Variants in ANXA4 observed in about 807,000 individuals in gnomAD.
The protein encoded by ANXA4 is annexin A4.
ANXA4 carries 39 observed loss-of-function variants against 49.8 expected under a neutral mutation model. The ratio of observed to expected loss-of-function variants is 0.78; its 90% CI spans 0.61 to 1.02. The LOEUF is 1.02. Among genes scored for constraint, ANXA4 ranks in the 50% least tolerant of loss-of-function variants. The pLI is 0.00. For synonymous variants in ANXA4, 134 were observed against 152.5 expected (o/e 0.88, Z 0.89); for missense variants, 360 against 410.1 (o/e 0.88, Z 1.05).
intron 1 of ANXA4, among the ~76,000 whole-genome samples, chr2:69,651,995 T>C (rs1213920969): frequency 6.6e-6 from 1 of 151,418 alleles, no homozygotes; most frequent in African/African-American, 2.4e-5. Context: ...ATTGAATTTT[T>C]ATTGCAAACA....
Position 69,812,709 on chromosome 2 carries a change from GGTTGGTAGAACT to G in ANXA4, c.534+2_534+13del, listed in dbSNP as rs1330826571. 4 of 1,613,962 alleles carry G rather than the reference GGTTGGTAGAACT, an allele frequency of 2.5e-6. No individual in the cohort carries two copies. The highest frequency in any genetic ancestry group is 2.5e-6 in the Non-Finnish European group (3 of 1,179,946). ...ATGCTCTCGTGAGACAGGATGCCCAGGTTGGTAGAACTGCAGCTTCTTTCTTCCAGCTTTCTT... is the reference window on the plus strand; with the variant it reads ...ATGCTCTCGTGAGACAGGATGCCCAGGCAGCTTCTTTCTTCCAGCTTTCTT... On this transcript the variant is annotated splice_donor_variant and splice_donor_5th_base_variant and intron_variant, in intron 8 of 12. Transcript: ENST00000394295. LOFTEE classifies it high-confidence loss of function.
intron 3 of ANXA4, 28 bp downstream of exon 3, chr2:69,788,169 C>G: frequency 6.3e-7 from 1 of 1,592,434 alleles, no homozygotes; most frequent in Non-Finnish European, 8.6e-7. Flanking sequence ...AGTGAATCCT[C>G]CTGCGTGCAT....
upstream of ANXA4, among the ~76,000 whole-genome samples, chr2:69,739,768 A>G (rs1041893671): frequency 2.0e-5 from 3 of 152,080 alleles, no homozygotes; most frequent in Non-Finnish European, 4.4e-5. Flanking sequence ...TTCAACAATT[A>G]TATTAATTTT....
chr2:69,765,649 A>G (rs1467238407), intron 1 of ANXA4, among the ~76,000 whole-genome samples: 5 of 152,170 alleles, frequency 3.3e-5, no homozygotes, highest in African/African-American at 4.8e-5. Context: ...CTAGCGTTTC[A>G]TGTAAATACT....
At chr2:69,774,739 T>C (rs1415349085) in intron 1 of ANXA4, among the ~76,000 whole-genome samples, 1 of 152,200 alleles carries the variant, frequency 6.6e-6, no homozygotes, top group African/African-American at 2.4e-5. Flanking sequence ...CCTCTGTGGT[T>C]TGCATATGAA....
intron 2 of ANXA4, chr2:69,713,540 C>A (rs1259858359): frequency 1.3e-5 from 2 of 152,104 alleles, no homozygotes; most frequent in Non-Finnish European, 2.9e-5. Context: ...TCAATAAAGC[C>A]AATTTAAAAA....
At chr2:69,678,389 CTTTTTTTTTTT>C (rs150952411) in intron 2 of ANXA4, among the ~76,000 whole-genome samples, 1 of 78,366 alleles carries the variant, frequency 1.3e-5, no homozygotes, top group Non-Finnish European at 2.5e-5. Context: ...CTTTTCTTTT[CTTTTTTTTTTT>C]TTTTTTTTTT....
At chr2:69,729,718 T>A (rs755939852) in intron 3 of ANXA4, among the ~76,000 whole-genome samples, 3 of 152,236 alleles carry the variant, frequency 2.0e-5, no homozygotes, top group Non-Finnish European at 4.4e-5. Flanking sequence ...TGTTCATGGA[T>A]TTTTATATTT....
At chr2:69,759,108 C>A (rs1047687487) in intron 1 of ANXA4, among the ~76,000 whole-genome samples, 1 of 141,334 alleles carries the variant, frequency 7.1e-6, no homozygotes, top group Non-Finnish European at 1.5e-5. Context: ...TGCACTCCAG[C>A]GACAGAGAGA....
At chr2:69,703,922 G>A (rs761749434) in intron 2 of ANXA4, among the ~76,000 whole-genome samples, 3 of 152,024 alleles carry the variant, frequency 2.0e-5, no homozygotes, top group Non-Finnish European at 4.4e-5. Flanking sequence ...CTACAGGTGC[G>A]TGCCACCCCC....
chr2:69,695,593 C>T (rs1393689534), intron 2 of ANXA4, among the ~76,000 whole-genome samples: 2 of 152,196 alleles, frequency 1.3e-5, no homozygotes, highest in African/African-American at 2.4e-5. Context: ...GGAGAAACCA[C>T]GCTGGGGAGA....
At position 69,804,611 on chromosome 2, in the gene ANXA4, A is replaced by G. The variant is rs143712366; in HGVS notation, c.176A>G (p.Lys59Arg). 1.9e-6 allele frequency: 3 copies of G among 1,613,350 alleles called. No homozygotes were observed. The African/African-American group carries it at 4.0e-5, about 22-fold the overall frequency. The change falls in exon 4 of 13, where the codon AAG becomes AGG. Residue 59 changes from lysine (K) to arginine (R), a missense_variant. Coordinates refer to ENST00000394295, the MANE Select transcript of ANXA4 (RefSeq NM_001153.5). ...AQRQEIRTAY[K>R]STIGRDLIDD... ...CGCCAGGAGATCAGGACAGCCTACAAGAGCACCATCGGCAGGGTAGGCCAC... is the reference window on the plus strand; with the variant it reads ...CGCCAGGAGATCAGGACAGCCTACAGGAGCACCATCGGCAGGGTAGGCCAC...
intron 2 of ANXA4, among the ~76,000 whole-genome samples, chr2:69,687,477 C>G (rs949239669): frequency 6.6e-6 from 1 of 151,078 alleles, no homozygotes; most frequent in African/African-American, 2.4e-5. Context: ...CACTGCACTT[C>G]AGCCTAGGCA....
chr2:69,776,840 C>T lies in ANXA4; in HGVS notation c.-46-4680C>T, dbSNP rs190493059. Among the ~76,000 whole-genome samples, 8 of 151,568 alleles carry T rather than the reference C, an allele frequency of 5.3e-5. No individual in the cohort carries two copies. The East Asian group carries it at 1.2e-3, about 22-fold the overall frequency. On this transcript the variant is annotated intron_variant, in intron 1 of 12. Coordinates refer to ENST00000394295, the MANE Select transcript of ANXA4 (RefSeq NM_001153.5). ...GCTGTCCTGGGCCACATGTGGCCCA[C>T]GAGCCACAGGTTGGACAAGCTTGGG...
intron 1 of ANXA4, among the ~76,000 whole-genome samples, chr2:69,775,911 T>C (rs1671940562): frequency 6.6e-6 from 1 of 152,070 alleles, no homozygotes; most frequent in Non-Finnish European, 1.5e-5. Context: ...AGTTAAAGCT[T>C]GAGTGAATGG....
At chr2:69,785,096 A>T (rs756023415) in intron 2 of ANXA4, among the ~76,000 whole-genome samples, 1 of 152,188 alleles carries the variant, frequency 6.6e-6, no homozygotes, top group Non-Finnish European at 1.5e-5. Flanking sequence ...GATGTCATAC[A>T]TGTCTACCTT....
At chr2:69,710,079 C>A (rs1012913382) in intron 2 of ANXA4, among the ~76,000 whole-genome samples, 2 of 149,814 alleles carry the variant, frequency 1.3e-5, no homozygotes, top group Admixed American at 1.3e-4. Context: ...CCTCCACCTT[C>A]CAGGTTCAAG....
At chr2:69,782,653 C>T (rs1672248115) in intron 2 of ANXA4, among the ~76,000 whole-genome samples, 1 of 152,156 alleles carries the variant, frequency 6.6e-6, no homozygotes, top group South Asian at 2.1e-4. Context: ...CTGTGCCTAG[C>T]CAACGTGGAG....
intron 2 of ANXA4, among the ~76,000 whole-genome samples, chr2:69,782,963 A>AT (rs1215283933): frequency 6.6e-6 from 1 of 152,206 alleles, no homozygotes; most frequent in East Asian, 1.9e-4. Flanking sequence ...ACTATTTGCC[A>AT]TTTTTTAATT....
Sources: allele counts gnomAD v4.1 joint callset (sites outside exome capture counted in the v4.1 genomes callset), GRCh38; gene constraint gnomAD v4.1.1; transcripts MANE v1.5; gene names NCBI Gene and HGNC (gene_info 2026-07-23, HGNC 2026-07-21).